Variants in NR6A1 observed in about 807,000 individuals in gnomAD.
NR6A1 encodes nuclear receptor subfamily 6 group A member 1, also known as retinoic acid receptor-related testis-associated receptor.
Under a neutral mutation model 59.1 loss-of-function variants are expected in NR6A1, and 7 were observed. That is an observed-to-expected ratio of 0.12 (90% CI 0.07 to 0.22). The LOEUF (loss-of-function observed/expected upper bound fraction) is 0.22. Ranked by LOEUF, NR6A1 falls within the 10% of genes least tolerant of loss-of-function variation. NR6A1 has a pLI of 1.00. For synonymous variants in NR6A1, 243 were observed against 236.1 expected (o/e 1.03, Z -0.27); for missense variants, 468 against 611.6 (o/e 0.77, Z 2.48).
At chr9:124,652,788 T>C (rs1837143637) in intron 2 of NR6A1, among the ~76,000 whole-genome samples, 1 of 152,184 alleles carries the variant, frequency 6.6e-6, no homozygotes, top group South Asian at 2.1e-4. Context: ...ACCCAGCTAT[T>C]ACTTTAAAAA....
chr9:124,525,157 C>T (rs1034054233), intron 8 of NR6A1, among the ~76,000 whole-genome samples: 2 of 152,102 alleles, frequency 1.3e-5, no homozygotes, highest in South Asian at 2.1e-4. Flanking sequence ...CAGAGAATAC[C>T]AGTAAACACT....
intron 9 of NR6A1, among the ~76,000 whole-genome samples, chr9:124,523,271 G>T (rs1171727353): frequency 6.6e-6 from 1 of 152,182 alleles, no homozygotes; most frequent in Non-Finnish European, 1.5e-5. Flanking sequence ...AGGGGAAAAA[G>T]AAGCAGGGGT....
rs754868596 is a variant in NR6A1 at position 124,526,884 on chromosome 9, T to A, written c.1096A>T (p.Met366Leu). Reference protein sequence around the residue: ...EELHRFSDEGMEVIERLIYLY... With the variant: ...EELHRFSDEGLEVIERLIYLY... ...TAGATGAGCCGCTCGATCACCTCCATCCCTTCATCACTAAATCTGAGGAAC... is the reference window on the plus strand; with the variant it reads ...TAGATGAGCCGCTCGATCACCTCCAACCCTTCATCACTAAATCTGAGGAAC... The change falls in exon 8 of 10, where the codon ATG becomes TTG. Residue 366 changes from methionine (M) to leucine (L), a missense_variant. Met to Leu is a conservative substitution (Grantham distance 15, BLOSUM62 2). Coordinates refer to ENST00000487099, the MANE Select transcript of NR6A1 (RefSeq NM_033334.4). 4 of 1,613,944 alleles carry A rather than the reference T, an allele frequency of 2.5e-6. No homozygotes were observed. In the Admixed American group the frequency reaches 5.0e-5, roughly 20 times the overall value.
intron 2 of NR6A1, among the ~76,000 whole-genome samples, chr9:124,710,344 T>A (rs1476447095): frequency 6.6e-6 from 1 of 152,156 alleles, no homozygotes; most frequent in Admixed American, 6.5e-5. Context: ...CATGTAGTAA[T>A]CCTACCAACT....
intron 2 of NR6A1, among the ~76,000 whole-genome samples, chr9:124,580,613 G>A (rs994318836): frequency 2.0e-5 from 3 of 151,960 alleles, no homozygotes; most frequent in Non-Finnish European, 4.4e-5. Flanking sequence ...TGAGGTCAGG[G>A]GTTTAAGACC....
chr9:124,653,973 T>C (rs1837175723), intron 2 of NR6A1, among the ~76,000 whole-genome samples: 1 of 152,212 alleles, frequency 6.6e-6, no homozygotes. Context: ...AATAACTGAA[T>C]TTTATCCTAA....
rs1002435660 is a variant in NR6A1, at chr9:124,518,195, T to G, written c.*4510A>C. 1 of 147,064 alleles carries G rather than the reference T, an allele frequency of 6.8e-6. No homozygotes were observed. Among genetic ancestry groups the G allele is most frequent in the Non-Finnish European group, 1.5e-5 (1 of 67,062 alleles). The allele number at this position is 147,064 out of a possible 1,614,324, so 9.1% of individuals were successfully genotyped here. On this transcript the variant is annotated 3_prime_UTR_variant, in exon 10 of 10. Transcript: ENST00000487099. ...TGCAGGCTGTGGTCCATTTAGGGCT[T>G]CAGGCCCAGAAGACGGATGCTAGAT...
intron 2 of NR6A1, among the ~76,000 whole-genome samples, chr9:124,655,284 AAC>A (rs949250787): frequency 1.3e-5 from 2 of 152,200 alleles, no homozygotes; most frequent in African/African-American, 4.8e-5. Flanking sequence ...GTCAAGCGAG[AAC>A]AAGCAATTTG....
chr9:124,579,057 G>A (rs2131452857), intron 2 of NR6A1, among the ~76,000 whole-genome samples: 1 of 152,340 alleles, frequency 6.6e-6, no homozygotes, highest in Non-Finnish European at 1.5e-5. Flanking sequence ...TGAGACAGGT[G>A]GATTGCTTGA....
intron 2 of NR6A1, among the ~76,000 whole-genome samples, chr9:124,651,002 G>A (rs1039877828): frequency 1.3e-5 from 2 of 152,120 alleles, no homozygotes; most frequent in Non-Finnish European, 2.9e-5. Flanking sequence ...TAGAAAGAAA[G>A]GACTTTGGAG....
chr9:124,705,799 A>G (rs1160719169), intron 2 of NR6A1, among the ~76,000 whole-genome samples: 1 of 146,520 alleles, frequency 6.8e-6, no homozygotes, highest in Non-Finnish European at 1.5e-5. Context: ...TTTTTTTGAC[A>G]GAGTCTCACT....
At chr9:124,662,000 A>T (rs1349959985) in intron 2 of NR6A1, among the ~76,000 whole-genome samples, 1 of 152,166 alleles carries the variant, frequency 6.6e-6, no homozygotes, top group East Asian at 1.9e-4. Flanking sequence ...ACATGAAAAA[A>T]TTTAAGTAAA....
intron 1 of NR6A1, among the ~76,000 whole-genome samples, chr9:124,744,141 G>A (rs2131155121): frequency 6.6e-6 from 1 of 152,342 alleles, no homozygotes; most frequent in East Asian, 1.9e-4. Context: ...TTGGGAGGCT[G>A]AGGTGGGAGG....
At chr9:124,668,826 T>G (rs1226760698) in intron 2 of NR6A1, among the ~76,000 whole-genome samples, 1 of 152,242 alleles carries the variant, frequency 6.6e-6, no homozygotes, top group East Asian at 1.9e-4. Context: ...CAGCAGGGAC[T>G]GACAGTATCT....
chr9:124,535,304 G>A (rs916071194), intron 7 of NR6A1, among the ~76,000 whole-genome samples: 12 of 152,148 alleles, frequency 7.9e-5, no homozygotes, highest in Admixed American at 7.9e-4. Flanking sequence ...TCAGCTGGGT[G>A]CAGTGGCTCA....
intron 2 of NR6A1, among the ~76,000 whole-genome samples, chr9:124,714,095 T>G (rs966447372): frequency 6.6e-6 from 1 of 152,114 alleles, no homozygotes; most frequent in Non-Finnish European, 1.5e-5. Flanking sequence ...CTATACAACA[T>G]AGATAAACTT....
intron 2 of NR6A1, among the ~76,000 whole-genome samples, chr9:124,705,785 T>C: frequency 6.7e-6 from 1 of 149,874 alleles, no homozygotes. Flanking sequence ...ATCCCCCCTT[T>C]TTTTTTTTTT....
intron 7 of NR6A1, among the ~76,000 whole-genome samples, chr9:124,531,784 C>G (rs1392007930): frequency 6.6e-6 from 1 of 152,216 alleles, no homozygotes; most frequent in African/African-American, 2.4e-5. Context: ...CAGCAGTCAT[C>G]ACCAACATTT....
chr9:124,728,034 A>AT (rs1223126919), intron 2 of NR6A1, among the ~76,000 whole-genome samples: 1 of 133,802 alleles, frequency 7.5e-6, no homozygotes, highest in African/African-American at 2.8e-5. Context: ...GTATTTATTT[A>AT]TTTTTTTCTT....
Sources: allele counts gnomAD v4.1 joint callset (sites outside exome capture counted in the v4.1 genomes callset), GRCh38; gene constraint gnomAD v4.1.1; transcripts MANE v1.5; gene names NCBI Gene and HGNC (gene_info 2026-07-23, HGNC 2026-07-21).